The following FBXW10 variants were observed in gnomAD, a reference collection of about 807,000 sequenced individuals.
The protein encoded by FBXW10 is F-box and WD repeat domain containing 10.
In FBXW10, 68 loss-of-function variants were observed where a neutral mutation model predicts 113.1. The ratio of observed to expected loss-of-function variants is 0.60; its 90% CI spans 0.49 to 0.74. FBXW10 has a LOEUF of 0.74. Among genes scored for constraint, FBXW10 ranks in the 30% least tolerant of loss-of-function variants. The pLI, the probability that FBXW10 is intolerant of heterozygous loss-of-function variation, is 0.00. For missense variants in FBXW10, 753 were observed against 1,284.5 expected (o/e 0.59, Z 6.32); for synonymous variants, 289 against 481.6 (o/e 0.60, Z 5.24).
rs563028491 is a variant in FBXW10 at position 18,764,771 on chromosome 17, C to T, written c.1463C>T (p.Thr488Ile). 418 of 1,613,876 alleles carry T rather than the reference C, an allele frequency of 2.6e-4. 4 individuals carry two copies. The South Asian group carries it at 4.3e-3, about 17-fold the overall frequency. Residue 488 changes from threonine to isoleucine, a missense_variant, in exon 8 of 14, where the codon ACA becomes ATA. Physicochemically the swap from Thr to Ile is moderately conservative, Grantham distance 89. Coordinates refer to ENST00000395665, the MANE Select transcript of FBXW10 (RefSeq NM_001267585.2). ...RYWDLKSGVC[T>I]RIFGGHQGTI... ...TGGGATCTGAAAAGTGGGGTTTGCA[C>T]ACGAATCTTCGGTGGTCACCAGGGG...
Position 18,778,763 on chromosome 17 carries a change from C to T in FBXW10, c.2624C>T (p.Pro875Leu). 6.2e-7 allele frequency: 1 copy of T among 1,613,686 alleles called. No individual in the cohort carries two copies. ...GTTGATCGGTTGAGATTGAGCAATC[C>T]TCCTATAGATGTGAAACGAACCAGT... Reference protein sequence around the residue: ...RAVDRLRLSNPPIDVKRTSIP... With the variant: ...RAVDRLRLSNLPIDVKRTSIP... The change falls in exon 14 of 14, where the codon CCT (proline) becomes CTT (leucine). Residue 875 changes from proline (P) to leucine (L), a missense_variant. Coordinates refer to ENST00000395665, the MANE Select transcript of FBXW10 (RefSeq NM_001267585.2).
At chr17:18,759,512 G>T (rs2035337414) in intron 7 of FBXW10, among the ~76,000 whole-genome samples, 1 of 152,154 alleles carries the variant, frequency 6.6e-6, no homozygotes, top group Admixed American at 6.5e-5. Flanking sequence ...GCAGGTGGCA[G>T]TAATTAACTT....
At position 18,744,626 on chromosome 17, in the gene FBXW10, A is replaced by T. The variant is rs764249402; in HGVS notation, c.382A>T (p.Ser128Cys). 1.2e-6 allele frequency: 2 copies of T among 1,613,918 alleles called. No individual in the cohort carries two copies. Among genetic ancestry groups the T allele is most frequent in the African/African-American group, 2.7e-5 (2 of 74,946 alleles). ...AGAGATCTTGTACTGGTTTGCGAACAGCACCCAGTGGACCAAGGCGAATTA... is the reference window on the plus strand; with the variant it reads ...AGAGATCTTGTACTGGTTTGCGAACTGCACCCAGTGGACCAAGGCGAATTA... ...MKEILYWFANSTQWTKANYTL... is the reference protein window; with the variant it reads ...MKEILYWFANCTQWTKANYTL... Residue 128 changes from serine (S) to cysteine (C), a missense_variant, in exon 1 of 14, where the codon AGC becomes TGC. Ser to Cys is a moderately radical substitution (Grantham distance 112). Coordinates refer to ENST00000395665, the MANE Select transcript of FBXW10 (RefSeq NM_001267585.2).
intron 4 of FBXW10, among the ~76,000 whole-genome samples, chr17:18,750,405 C>G (rs1445553129): frequency 6.6e-6 from 1 of 151,834 alleles, no homozygotes; most frequent in Admixed American, 6.6e-5. Flanking sequence ...CCTCACAAAG[C>G]AGAGAACCCC....
At chr17:18,768,030 C>T (rs190227139) in intron 9 of FBXW10, among the ~76,000 whole-genome samples, 4 of 63,352 alleles carry the variant, frequency 6.3e-5, no homozygotes, top group East Asian at 7.2e-3. Context: ...TTCCTTTCTT[C>T]CTTCCTTCCT....
intron 11 of FBXW10, among the ~76,000 whole-genome samples, chr17:18,771,718 C>CA (rs1261777495): frequency 1.3e-5 from 2 of 152,168 alleles, no homozygotes; most frequent in African/African-American, 4.8e-5. Flanking sequence ...AACAAAGAAA[C>CA]AAAAACACTG....
rs368827263 is a variant in FBXW10, at chr17:18,772,430, G to A, written c.2025G>A (p.Glu675=). The change falls in exon 12 of 14, where the codon GAG becomes GAA. Residue 675 remains glutamate (E), a synonymous_variant. Transcript: ENST00000395665. Reference sequence around the variant, plus strand: ...GTTCCAGGATGGTGGTCAACACAGAGAGCAATGTTCTCATGTTCCAGTTTG... The same window carrying A: ...GTTCCAGGATGGTGGTCAACACAGAAAGCAATGTTCTCATGTTCCAGTTTG... ...IQGNRMVVNT[E]SNVLMFQFEH... 5.6e-6 allele frequency: 9 copies of A among 1,613,860 alleles called. No homozygotes were observed. Among genetic ancestry groups the A allele is most frequent in the South Asian group, 5.5e-5 (5 of 91,056 alleles).
chr17:18,747,127 C>T lies in FBXW10; in HGVS notation c.506-814C>T, dbSNP rs138571078. On this transcript the variant is annotated intron_variant, in intron 1 of 13. Coordinates refer to ENST00000395665, the MANE Select transcript of FBXW10 (RefSeq NM_001267585.2). ...ATTTCTAATAGAGACGGGGTTTCAC[C>T]GTGTTAGCCCGGATGGTCTCCATCT... is the stretch of plus-strand genomic sequence containing the variant. 8.9e-3 allele frequency among the ~76,000 whole-genome samples: 1,352 copies of T among 152,142 alleles called. 9 individuals are homozygous for T. Among genetic ancestry groups the T allele is most frequent in the African/African-American group, 0.026 (1,088 of 41,522 alleles).
intron 1 of FBXW10, among the ~76,000 whole-genome samples, chr17:18,746,904 G>T (rs1263672027): frequency 1.3e-5 from 2 of 151,658 alleles, no homozygotes; most frequent in Non-Finnish European, 1.5e-5. Flanking sequence ...TCCTATTACA[G>T]GTTGTGGCAA....
rs532194509 is a variant in FBXW10 at position 18,759,118 on chromosome 17, C to G, written c.1433+613C>G. Among the ~76,000 whole-genome samples the G allele has an allele frequency of 3.3e-5, 5 of 152,018 alleles. No individual in the cohort carries two copies. In the East Asian group the frequency reaches 9.7e-4, roughly 29 times the overall value. On this transcript the variant is annotated intron_variant, in intron 7 of 13. Coordinates refer to ENST00000395665, the MANE Select transcript of FBXW10 (RefSeq NM_001267585.2). Reference sequence around the variant, plus strand: ...CTGGGAGGTGGAGCTTGCAGTGAGCCGAGATGGTGCCACTACACTCCAGAC... The same window carrying G: ...CTGGGAGGTGGAGCTTGCAGTGAGCGGAGATGGTGCCACTACACTCCAGAC...
chr17:18,764,790 C>T lies in FBXW10; in HGVS notation c.1482C>T (p.His494=), dbSNP rs924652128. 8.7e-6 allele frequency: 14 copies of T among 1,613,762 alleles called. No individual in the cohort carries two copies. The South Asian group carries it at 1.1e-4, about 13-fold the overall frequency. Residue 494 remains histidine (H), a synonymous_variant, in exon 8 of 14, where the codon CAC becomes CAT. Transcript: ENST00000395665. ...TTTGCACACGAATCTTCGGTGGTCA[C>T]CAGGGGACTATCACTTGCATGGACT... ...SGVCTRIFGG[H]QGTITCMDLC...
At chr17:18,771,058 A>G (rs887573520) in intron 11 of FBXW10, among the ~76,000 whole-genome samples, 6 of 152,030 alleles carry the variant, frequency 3.9e-5, no homozygotes, top group Non-Finnish European at 8.8e-5. Flanking sequence ...TAAAGAGGGC[A>G]GCCTGGTAAT....
At chr17:18,755,947 G>A (rs191822931) in intron 5 of FBXW10, 98 bp from the exon 6 acceptor site, 309 of 1,188,768 alleles carry the variant, frequency 2.6e-4, no homozygotes, top group African/African-American at 1.9e-3. Flanking sequence ...GGAAGAATCC[G>A]TGAGCCCTGT....
chr17:18,772,081 C>T (rs1167054575), intron 11 of FBXW10, among the ~76,000 whole-genome samples: 6 of 151,594 alleles, frequency 4.0e-5, no homozygotes, highest in African/African-American at 9.7e-5. Flanking sequence ...CACTCCAGCC[C>T]GGGTGACAGA....
intron 9 of FBXW10, among the ~76,000 whole-genome samples, chr17:18,768,051 C>CTTCCTTCCTTCCTTCCTTCCTTCCTTCT (rs1257481213): frequency 1.1e-5 from 1 of 91,710 alleles, no homozygotes; most frequent in African/African-American, 3.9e-5. Flanking sequence ...TCCTTCCTTC[C>CTTCCTTCCTTCCTTCCTTCCTTCCTTCT]TTCTTTCTTT....
At position 18,770,593 on chromosome 17, in the gene FBXW10, C is replaced by T. The variant is rs150933603; in HGVS notation, c.2006+508C>T. On this transcript the variant is annotated intron_variant, in intron 11 of 13. Transcript: ENST00000395665. ...CTGGGATTACAGGTGTGAGCCACCA[C>T]GCCCGGCCTGTTTTGACTCTTAATT... is the stretch of plus-strand genomic sequence containing the variant. 1.5e-3 allele frequency among the ~76,000 whole-genome samples: 228 copies of T among 152,238 alleles called. 2 individuals are homozygous for T. The East Asian group carries it at 0.041, about 28-fold the overall frequency.
At chr17:18,769,572 T>C (rs1291664606) in intron 10 of FBXW10, 1 of 189,468 alleles carries the variant, frequency 5.3e-6, no homozygotes, top group Admixed American at 5.9e-5. Flanking sequence ...AGGTCAGGAT[T>C]TCATGACCAG....
intron 2 of FBXW10, among the ~76,000 whole-genome samples, 200 bp downstream of exon 2, chr17:18,748,305 A>G (rs1057199384): frequency 9.9e-5 from 15 of 151,040 alleles, no homozygotes; most frequent in African/African-American, 3.6e-4. Flanking sequence ...CTGTAGTCCC[A>G]GCTACTGAGG....
chr17:18,778,804 C>T lies in FBXW10; in HGVS notation c.2665C>T (p.Gln889Ter), dbSNP rs1408428836. ...VKRTSIPLEI[Q>*]KLQPNLKISL... ...ACGAACCAGTATTCCCCTTGAAATC[C>T]AGAAACTGCAGCCCAACTTGAAGAT... Residue 889 changes from glutamine (Q) to a stop codon, truncating the protein, a stop_gained, in exon 14 of 14, where the codon CAG (glutamine) becomes TAG (stop). Coordinates refer to ENST00000395665, the MANE Select transcript of FBXW10 (RefSeq NM_001267585.2). LOFTEE classifies it high-confidence loss of function. 6.2e-7 allele frequency: 1 copy of T among 1,613,762 alleles called. No individual in the cohort carries two copies. The highest frequency in any genetic ancestry group is 8.5e-7 in the Non-Finnish European group (1 of 1,179,850).
Sources: allele counts gnomAD v4.1 joint callset (sites outside exome capture counted in the v4.1 genomes callset), GRCh38; gene constraint gnomAD v4.1.1; transcripts MANE v1.5; gene names NCBI Gene and HGNC (gene_info 2026-07-23, HGNC 2026-07-21).